The following NFIC variants were observed in gnomAD, a reference collection of about 807,000 sequenced individuals.
The protein encoded by NFIC is nuclear factor I C.
In NFIC, 12 loss-of-function variants were observed where a neutral mutation model predicts 54.4. The ratio of observed to expected loss-of-function variants is 0.22; its 90% CI spans 0.14 to 0.36. The LOEUF (loss-of-function observed/expected upper bound fraction) is 0.36. NFIC is among the 10% of genes least tolerant of loss of function. The pLI is 1.00. For missense variants in NFIC, 575 were observed against 718.2 expected, an observed-to-expected ratio of 0.80 and a Z score of 2.28; for synonymous variants, 322 against 319.2, an observed-to-expected ratio of 1.01 and a Z score of -0.09.
intron 10 of NFIC, among the ~76,000 whole-genome samples, chr19:3,457,452 C>A (rs1396904080): frequency 6.6e-6 from 1 of 152,078 alleles, no homozygotes; most frequent in Admixed American, 6.5e-5. Context: ...CACCCCCCAC[C>A]CCCATAAGGG....
chr19:3,371,840 C>T (rs1299060372), intron 1 of NFIC, among the ~76,000 whole-genome samples: 1 of 151,916 alleles, frequency 6.6e-6, no homozygotes, highest in African/African-American at 2.4e-5. Flanking sequence ...TCTACTGTGG[C>T]ATTTCTGTTA....
intron 2 of NFIC, among the ~76,000 whole-genome samples, chr19:3,396,830 C>T (rs1202157202): frequency 6.6e-6 from 1 of 152,174 alleles, no homozygotes; most frequent in Non-Finnish European, 1.5e-5. Context: ...GTGGCACATG[C>T]TTGTAGTCTC....
chr19:3,454,062 G>T, intron 9 of NFIC, 146 bp downstream of exon 9: 1 of 1,379,730 alleles, frequency 7.2e-7, no homozygotes, highest in Non-Finnish European at 9.3e-7. Context: ...CAGCCCAGTG[G>T]CCACGTGGTT....
Position 3,453,788 on chromosome 19 carries a change from T to C in NFIC, c.1295T>C (p.Met432Thr). 1 of 1,605,122 alleles carries C rather than the reference T, an allele frequency of 6.2e-7. No individual in the cohort carries two copies. The highest frequency in any genetic ancestry group is 1.1e-5 in the South Asian group (1 of 89,792). Reference sequence around the variant, plus strand: ...TTAAATGGAAGTGGTCAGCTCAAAATGCCCAGCCACTGCCTTTCTGCTCAG... The same window carrying C: ...TTAAATGGAAGTGGTCAGCTCAAAACGCCCAGCCACTGCCTTTCTGCTCAG... ...GPLNGSGQLK[M>T]PSHCLSAQML... Residue 432 changes from methionine to threonine, a missense_variant, in exon 9 of 11, where the codon ATG becomes ACG. Coordinates refer to ENST00000443272, the MANE Select transcript of NFIC (RefSeq NM_001245002.2). The surrounding 1 kb of genome is among the most constrained non-coding windows in gnomAD (Gnocchi z 6.7).
At chr19:3,446,018 G>A (rs1010919149) in intron 6 of NFIC, among the ~76,000 whole-genome samples, 1 of 152,130 alleles carries the variant, frequency 6.6e-6, no homozygotes, top group Non-Finnish European at 1.5e-5. Context: ...CAGTGCCCAG[G>A]ACAGCTCCCT....
chr19:3,396,913 G>T (rs527425074), intron 2 of NFIC, among the ~76,000 whole-genome samples: 3 of 152,112 alleles, frequency 2.0e-5, no homozygotes, highest in Admixed American at 6.6e-5. Context: ...CTGAGATCGC[G>T]CCATTGCACT....
intron 2 of NFIC, among the ~76,000 whole-genome samples, chr19:3,397,445 A>C (rs975521588): frequency 3.3e-5 from 5 of 152,196 alleles, no homozygotes; most frequent in African/African-American, 4.8e-5. Context: ...GGCTGCAGCC[A>C]GGCTGGGGGC....
intron 1 of NFIC, 138 bp downstream of exon 1, chr19:3,366,804 G>A: frequency 1.8e-6 from 1 of 552,684 alleles, no homozygotes; most frequent in Non-Finnish European, 3.0e-6. Context: ...CCCCCGCGCC[G>A]AGGGCTGGGG....
chr19:3,376,428 CAAAAAAAAAAAAAAAAAAA>C (rs35724239), intron 1 of NFIC, among the ~76,000 whole-genome samples: 4 of 48,170 alleles, frequency 8.3e-5, no homozygotes, highest in Admixed American at 3.4e-4. Context: ...GACACTGTCT[CAAAAAAAAAAAAAAAAAAA>C]AAAAAAAAAA....
intron 6 of NFIC, among the ~76,000 whole-genome samples, chr19:3,440,639 C>T (rs150026622): frequency 0.016 from 2,431 of 152,068 alleles, 80 homozygotes; most frequent in African/African-American, 0.056. Flanking sequence ...CCATGTTGGC[C>T]AGTCTGGTCT....
chr19:3,455,931 C>G (rs915561001), intron 9 of NFIC, among the ~76,000 whole-genome samples: 2 of 152,202 alleles, frequency 1.3e-5, no homozygotes, highest in African/African-American at 2.4e-5. Flanking sequence ...CCAGCTCCCC[C>G]CAACCCCAGC....
intron 2 of NFIC, among the ~76,000 whole-genome samples, chr19:3,383,209 C>T (rs1378924919): frequency 6.6e-6 from 1 of 152,108 alleles, no homozygotes; most frequent in Admixed American, 6.6e-5. Context: ...CAGACCATGC[C>T]AGCAGAGGCC....
chr19:3,368,817 G>C (rs1469175825), intron 1 of NFIC, among the ~76,000 whole-genome samples: 4 of 152,184 alleles, frequency 2.6e-5, no homozygotes. Flanking sequence ...AGTCCTGGCT[G>C]CCTGACTCAG....
intron 2 of NFIC, among the ~76,000 whole-genome samples, chr19:3,392,114 C>G (rs2081385704): frequency 6.8e-6 from 1 of 147,356 alleles, no homozygotes; most frequent in African/African-American, 2.5e-5. Context: ...CTCTGTCTCC[C>G]AGGCAGGAGT....
chr19:3,381,619 C>T (rs959010528), intron 1 of NFIC, 93 bp from the exon 2 acceptor site: 14 of 1,498,930 alleles, frequency 9.3e-6, no homozygotes, highest in Non-Finnish European at 1.2e-5. Context: ...CGGGTCTGTT[C>T]AGGGCCCCTC....
chr19:3,372,614 G>A (rs1043096753), intron 1 of NFIC, among the ~76,000 whole-genome samples: 7 of 152,058 alleles, frequency 4.6e-5, no homozygotes, highest in African/African-American at 1.2e-4. Flanking sequence ...ACAAGGGGAA[G>A]GGAACCACGT....
chr19:3,401,281 G>A (rs1192466367), intron 2 of NFIC, among the ~76,000 whole-genome samples: 1 of 152,118 alleles, frequency 6.6e-6, no homozygotes, highest in Admixed American at 6.6e-5. Flanking sequence ...CCTGACTCAG[G>A]TGCTCACAGG....
chr19:3,409,460 A>G (rs4807464), intron 2 of NFIC, among the ~76,000 whole-genome samples: 142,934 of 152,256 alleles, frequency 0.94, 67,115 homozygotes, highest in East Asian at 0.97. Context: ...GGCTTCCTCC[A>G]TGCACTGGTT....
At chr19:3,454,226 C>T in intron 9 of NFIC, 3 of 1,201,320 alleles carry the variant, frequency 2.5e-6, no homozygotes, top group Non-Finnish European at 2.1e-6. Context: ...TGTCAGGCAG[C>T]TGACAGTGGA....
Sources: gnomAD v4.1 joint callset for allele counts (sites outside exome capture counted in the v4.1 genomes callset) on GRCh38, gnomAD v4.1.1 for gene constraint, Gnocchi (gnomAD v3.1) non-coding constraint, MANE v1.5 for transcripts, NCBI Gene and HGNC (gene_info 2026-07-23, HGNC 2026-07-21) for gene names.